CLTC: variants seen among roughly 807,000 people sequenced by gnomAD.
CLTC encodes the protein clathrin heavy chain, also known as clathrin heavy chain 1.
Under a neutral mutation model 195.8 loss-of-function variants are expected in CLTC, and 16 were observed. The ratio of observed to expected loss-of-function variants is 0.08; its 90% confidence interval spans 0.06 to 0.12. The LOEUF is 0.12. CLTC is among the 10% of genes least tolerant of loss of function. The pLI is 1.00. For synonymous variants in CLTC, 667 were observed against 689.4 expected (o/e 0.97, Z 0.51); for missense variants, 796 against 2,027.0 (o/e 0.39, Z 11.66).
At position 59,683,688 on chromosome 17, in the gene CLTC, T is replaced by G. The variant is rs1174677857; in HGVS notation, c.4255T>G (p.Leu1419Val). ...CTACTTAGAATTCAAGCCTCTGTTGTTAAATGATTTGCTGATGGTGCTGTC... is the reference window on the plus strand; with the variant it reads ...CTACTTAGAATTCAAGCCTCTGTTGGTAAATGATTTGCTGATGGTGCTGTC... ...QFYLEFKPLL[L>V]NDLLMVLSPR... The change falls in exon 27 of 32, where the codon TTA (leucine) becomes GTA (valine). Residue 1419 changes from leucine to valine, a missense_variant. This residue lies in a region of CLTC where 102 missense variants were observed against 317.6 expected (regional missense o/e 0.32). Coordinates refer to ENST00000269122, the MANE Select transcript of CLTC (RefSeq NM_004859.4). The surrounding 1 kb of genome is among the most constrained non-coding windows in gnomAD (Gnocchi z 6.1). 2.5e-6 allele frequency: 4 copies of G among 1,614,082 alleles called. No homozygotes were observed. Among genetic ancestry groups the G allele is most frequent in the Non-Finnish European group, 3.4e-6 (4 of 1,180,032 alleles).
chr17:59,679,263 C>CA (rs779288822), intron 17 of CLTC, 134 bp from the exon 18 acceptor site: 1 of 659,700 alleles, frequency 1.5e-6, no homozygotes, highest in Non-Finnish European at 2.4e-6. Flanking sequence ...GTACATGAAT[C>CA]AAAGTCCAAA....
chr17:59,681,517 T>C lies in CLTC; in HGVS notation c.3249+39T>C, dbSNP rs1351159349. 6.2e-7 allele frequency: 1 copy of C among 1,605,920 alleles called. No homozygotes were observed. Among genetic ancestry groups the C allele is most frequent in the Non-Finnish European group, 8.5e-7 (1 of 1,173,812 alleles). ...TTACCTAAGTTGAATTACTAAACACTGTGCTATGAGGGTGGGCCTAATTGG... is the reference window on the plus strand; with the variant it reads ...TTACCTAAGTTGAATTACTAAACACCGTGCTATGAGGGTGGGCCTAATTGG... On this transcript the variant is annotated intron_variant, in intron 20 of 31. Transcript: ENST00000269122. This position sits in a 1 kb window ranked among gnomAD's most constrained non-coding sequence, Gnocchi z 5.0.
intron 1 of CLTC, 135 bp downstream of exon 1, chr17:59,620,308 G>T: frequency 1.2e-6 from 1 of 817,940 alleles, no homozygotes; most frequent in Non-Finnish European, 2.1e-6. Flanking sequence ...GGTGGAGGAG[G>T]GGGCACTATC....
chr17:59,666,004 C>A lies in CLTC; in HGVS notation c.1645-99C>A. Reference sequence around the variant, plus strand: ...TTTGTTCTTAAGTGTTTATATTGTCCAAATAAAATTCTCAGGTAAAGAAAG... The same window carrying A: ...TTTGTTCTTAAGTGTTTATATTGTCAAAATAAAATTCTCAGGTAAAGAAAG... On this transcript the variant is annotated intron_variant, in intron 10 of 31. Transcript: ENST00000269122. The surrounding 1 kb of genome is among the most constrained non-coding windows in gnomAD (Gnocchi z 4.9). The A allele has an allele frequency of 2.3e-6, 2 of 884,746 alleles. No homozygotes were observed. Among genetic ancestry groups the A allele is most frequent in the Non-Finnish European group, 3.4e-6 (2 of 583,170 alleles). 54.8% of individuals were successfully genotyped at this position (884,746 alleles called of 1,614,324 possible). A position where few individuals can be genotyped will look rare whatever the true frequency, so the allele number is the denominator to read the frequency against.
In CLTC at chr17:59,682,123, A is replaced by T; in HGVS notation, c.3443-148A>T. The T allele has an allele frequency of 1.3e-6, 1 of 771,540 alleles. No individual in the cohort carries two copies. The highest frequency in any genetic ancestry group is 1.8e-5 in the African/African-American group (1 of 57,074). 47.8% of individuals were successfully genotyped at this position (771,540 alleles called of 1,614,324 possible). ...AATTCATCTATTCATTTGGTCCGTG[A>T]TAATACAGAAGTGAAATATTGCACG... On this transcript the variant is annotated intron_variant, in intron 21 of 31. Coordinates refer to ENST00000269122, the MANE Select transcript of CLTC (RefSeq NM_004859.4). This position sits in a 1 kb window ranked among gnomAD's most constrained non-coding sequence, Gnocchi z 6.8.
Position 59,685,808 on chromosome 17 carries a change from G to GGTAATGACTCTTC in CLTC, c.4827+1_4827+13dup, listed in dbSNP as rs754168336. 16 of 1,609,476 alleles carry GGTAATGACTCTTC rather than the reference G, an allele frequency of 9.9e-6. No individual in the cohort carries two copies. The Admixed American group carries it at 2.7e-4, about 27-fold the overall frequency. On this transcript the variant is annotated frameshift_variant and splice_region_variant. Transcript: ENST00000269122. LOFTEE classifies it high-confidence loss of function. This position sits in a 1 kb window ranked among gnomAD's most constrained non-coding sequence, Gnocchi z 5.0. ...AGGTCATGAAGGAGTACTTGACAAA[G>GGTAATGACTCTTC]GTAATGACTCTTCTAAGTGTATTCA...
intron 1 of CLTC, among the ~76,000 whole-genome samples, chr17:59,630,881 TTGAA>T (rs2031692347): frequency 6.6e-6 from 1 of 152,228 alleles, no homozygotes; most frequent in South Asian, 2.1e-4. Flanking sequence ...AAGTTTTTGT[TTGAA>T]TGCCTGTTGT....
At chr17:59,646,109 C>A in intron 2 of CLTC, 1 of 384,234 alleles carries the variant, frequency 2.6e-6, no homozygotes, top group Non-Finnish European at 3.6e-6. Context: ...TGTACAATAA[C>A]ATCATAGATT....
At chr17:59,624,766 G>A (rs990144279) in intron 1 of CLTC, among the ~76,000 whole-genome samples, 6 of 151,920 alleles carry the variant, frequency 3.9e-5, no homozygotes, top group Non-Finnish European at 7.4e-5. Context: ...GCTGCTCCTG[G>A]CCTCATATAA....
chr17:59,664,008 A>C lies in CLTC; in HGVS notation c.1521+14A>C. The C allele has an allele frequency of 6.2e-7, 1 of 1,607,702 alleles. No homozygotes were observed. Among genetic ancestry groups the C allele is most frequent in the Non-Finnish European group, 8.5e-7 (1 of 1,176,116 alleles). On this transcript the variant is annotated intron_variant, in intron 9 of 31. Coordinates refer to ENST00000269122, the MANE Select transcript of CLTC (RefSeq NM_004859.4). ...TATGCTAAAAAAGTGAGTTCAATGA[A>C]ACACATTCTCAGCATGAATTCATTG... is the stretch of plus-strand genomic sequence containing the variant.
chr17:59,674,536 C>A, intron 15 of CLTC, 165 bp from the exon 16 acceptor site: 1 of 562,990 alleles, frequency 1.8e-6, no homozygotes, highest in Non-Finnish European at 3.1e-6. Context: ...TGCTAAATTC[C>A]TCTATCTAGT....
intron 4 of CLTC, 34 bp from the exon 5 acceptor site, chr17:59,651,169 A>T: frequency 7.5e-7 from 1 of 1,325,524 alleles, no homozygotes; most frequent in Non-Finnish European, 1.1e-6. Flanking sequence ...GCTAATGTAT[A>T]GGTTTATATA....
rs1324528337 is a variant in CLTC, at chr17:59,682,562, CA to C, written c.3601-65del. 6.3e-7 allele frequency: 1 copy of C among 1,582,696 alleles called. No individual in the cohort carries two copies. The highest frequency in any genetic ancestry group is 1.4e-5 in the African/African-American group (1 of 73,638). ...AAATTCTTTCTCATTGTGAAGATAT[CA>C]ATTTGAAAAGAGGATTAAGCTCACA... On this transcript the variant is annotated intron_variant, in intron 22 of 31. Transcript: ENST00000269122. This position sits in a 1 kb window ranked among gnomAD's most constrained non-coding sequence, Gnocchi z 6.8.
chr17:59,619,923 G>C lies in CLTC; in HGVS notation c.-209G>C, dbSNP rs960934041. The C allele has an allele frequency of 1.9e-6, 1 of 538,802 alleles. No homozygotes were observed. The highest frequency in any genetic ancestry group is 1.9e-5 in the African/African-American group (1 of 52,414). 33.4% of individuals were successfully genotyped at this position (538,802 alleles called of 1,614,324 possible). On this transcript the variant is annotated 5_prime_UTR_variant, in exon 1 of 32. Coordinates refer to ENST00000269122, the MANE Select transcript of CLTC (RefSeq NM_004859.4). ...CGTTTCCGGAGTCTGCGCTGCGCCC[G>C]GTTCCGCCATTGCGGCTCTCCTGGC... is the stretch of plus-strand genomic sequence containing the variant.
Position 59,668,741 on chromosome 17 carries a change from T to G in CLTC, c.2129-36T>G, listed in dbSNP as rs1340715459. The G allele has an allele frequency of 4.6e-6, 7 of 1,520,878 alleles. No homozygotes were observed. The Admixed American group carries it at 1.3e-4, about 28-fold the overall frequency. 94.2% of individuals were successfully genotyped at this position (1,520,878 alleles called of 1,614,324 possible). A position where few individuals can be genotyped will look rare whatever the true frequency, so the allele number is the denominator to read the frequency against. On this transcript the variant is annotated intron_variant, in intron 13 of 31. Transcript: ENST00000269122. Reference sequence around the variant, plus strand: ...TGTTTTTCAGTCATTCTCAAAAGTGTGCCTATGCTTAATTGTAATTACTTG... The same window carrying G: ...TGTTTTTCAGTCATTCTCAAAAGTGGGCCTATGCTTAATTGTAATTACTTG...
At chr17:59,657,708 C>G (rs1347288434) in intron 6 of CLTC, among the ~76,000 whole-genome samples, 2 of 146,756 alleles carry the variant, frequency 1.4e-5, no homozygotes, top group Non-Finnish European at 3.0e-5. Flanking sequence ...GCGGAGGTTT[C>G]TATGAGCTGA....
chr17:59,667,267 A>G (rs988182355), intron 13 of CLTC, among the ~76,000 whole-genome samples: 1 of 152,194 alleles, frequency 6.6e-6, no homozygotes, highest in South Asian at 2.1e-4. Context: ...ATACAGGTTG[A>G]GTGTCCCTAA....
chr17:59,696,527 A>AAGAAAAAT lies in CLTC; in HGVS notation c.*2676_*2677insGAAAAATA. 1 of 214,372 alleles carries AAGAAAAAT rather than the reference A, an allele frequency of 4.7e-6. No homozygotes were observed. Among genetic ancestry groups the AAGAAAAAT allele is most frequent in the East Asian group, 7.0e-5 (1 of 14,360 alleles). The allele number at this position is 214,372 out of a possible 1,614,324, so 13.3% of individuals were successfully genotyped here. Reference sequence around the variant, plus strand: ...CAGTATCCTCCTAAAAGAAGGCTTAAATAGTTTCTAACAAGATGACTATCA... The same window carrying AAGAAAAAT: ...CAGTATCCTCCTAAAAGAAGGCTTAAAGAAAAATATAGTTTCTAACAAGATGACTATCA... On this transcript the variant is annotated 3_prime_UTR_variant, in exon 32 of 32. Transcript: ENST00000269122.
chr17:59,690,854 T>C (rs1385417054), intron 31 of CLTC, 143 bp downstream of exon 31: 2 of 522,810 alleles, frequency 3.8e-6, no homozygotes, highest in Non-Finnish European at 6.6e-6. Context: ...TGATTTTTTT[T>C]CTGAGAAGTC....
Sources: gnomAD v4.1 joint callset for allele counts (sites outside exome capture counted in the v4.1 genomes callset) on GRCh38, gnomAD v4.1.1 for gene constraint, gnomAD v4.1.1 regional missense constraint, Gnocchi (gnomAD v3.1) non-coding constraint, MANE v1.5 for transcripts, NCBI Gene and HGNC (gene_info 2026-07-23, HGNC 2026-07-21) for gene names.